The following KLF13 variants were observed in gnomAD, a reference collection of about 807,000 sequenced individuals.
KLF13 encodes Krueppel-like factor 13.
A neutral mutation model predicts 16.7 loss-of-function variants in KLF13; 8 were observed. The observed-to-expected ratio is 0.48, with a 90% CI of 0.28 to 0.87. The LOEUF (loss-of-function observed/expected upper bound fraction) is 0.87, where lower values mean the gene tolerates loss of function less well. Ranked by LOEUF, KLF13 falls within the 40% of genes least tolerant of loss-of-function variation. The pLI is 0.10. For missense variants in KLF13, 447 were observed against 452.2 expected (o/e 0.99, Z 0.10); for synonymous variants, 245 against 208.4 (o/e 1.18, Z -1.51).
intron 2 of KLF13, among the ~76,000 whole-genome samples, chr15:31,395,346 A>T (rs2039940385): frequency 1.3e-5 from 2 of 152,284 alleles, no homozygotes; most frequent in Admixed American, 1.3e-4. Flanking sequence ...AAGTCCATTC[A>T]TCCACTGATG....
At chr15:31,389,176 A>G (rs919579484), upstream of KLF13, among the ~76,000 whole-genome samples, 2 of 152,208 alleles carry the variant, frequency 1.3e-5, no homozygotes, top group Non-Finnish European at 2.9e-5. Context: ...GAACACCTTT[A>G]TAATGATCCA....
At chr15:31,435,406 C>T (rs751914768) in exon 2 of KLF13, 6 of 152,134 alleles carry the variant, frequency 3.9e-5, no homozygotes, top group African/African-American at 9.7e-5. Context: ...GAAGGTGATC[C>T]GGGAGGCTGG....
At position 31,327,123 on chromosome 15, in the gene KLF13, CG is replaced by C. The variant is rs1355563219; in HGVS notation, c.-89del. 1.8e-5 allele frequency: 20 copies of C among 1,122,598 alleles called. No individual in the cohort carries two copies. Among genetic ancestry groups the C allele is most frequent in the South Asian group, 3.4e-5 (1 of 29,332 alleles). 69.5% of individuals were successfully genotyped at this position (1,122,598 alleles called of 1,614,324 possible). A position where few individuals can be genotyped will look rare whatever the true frequency, so the allele number is the denominator to read the frequency against. ...CCGAGGAGAGGGCGCGCCGCGCCCCCGCCCCCCGCCCGCTCTCCCGAGGCCG... is the reference window on the plus strand; with the variant it reads ...CCGAGGAGAGGGCGCGCCGCGCCCCCCCCCCCGCCCGCTCTCCCGAGGCCG... On this transcript the variant is annotated 5_prime_UTR_variant, in exon 1 of 2. Coordinates refer to ENST00000307145, the MANE Select transcript of KLF13 (RefSeq NM_015995.4).
Position 31,364,098 on chromosome 15 carries a change from G to A in KLF13, c.578-7912G>A, listed in dbSNP as rs556216050. The stretch of plus-strand genomic sequence containing the variant: ...CTTCACTGGCCAGTGATCAGCTTAC[G>A]AAACTGTGTTGAATCCTGGTGGTCT... On this transcript the variant is annotated intron_variant, in intron 1 of 1. Transcript: ENST00000307145. Among the ~76,000 whole-genome samples the A allele has an allele frequency of 5.5e-3, 276 of 50,160 alleles. 1 individual carries two copies. The highest frequency in any genetic ancestry group is 0.015 in the African/African-American group (268 of 17,300). The allele number at this position is 50,160 out of a possible 152,430, so 32.9% of individuals were successfully genotyped here.
chr15:31,423,189 A>ATATACG, intron 1 of KLF13, among the ~76,000 whole-genome samples: 1 of 135,496 alleles, frequency 7.4e-6, no homozygotes, highest in Non-Finnish European at 1.5e-5. Flanking sequence ...ATATACGTAT[A>ATATACG]TATATATATC....
rs2039595406 is a variant in KLF13, at chr15:31,373,716, A to T, written c.*1417A>T. 6.6e-6 allele frequency: 1 copy of T among 152,166 alleles called. No individual in the cohort carries two copies. The highest frequency in any genetic ancestry group is 2.4e-5 in the African/African-American group (1 of 41,416). 9.4% of individuals were successfully genotyped at this position (152,166 alleles called of 1,614,324 possible). ...TTCGAGCCCTGGGCGGGGGTCAGTC[A>T]AGCCGTGGTCCAGCAAACTCCTCTG... On this transcript the variant is annotated 3_prime_UTR_variant, in exon 2 of 2. Transcript: ENST00000307145.
chr15:31,372,238 T>C lies in KLF13; in HGVS notation c.806T>C (p.Leu269Pro), dbSNP rs1410166633. ...GGCGGGGGCTCGCGGACCGGCTCCC[T>C]CAGCGACTACAGCCGCTCCGACGCC... ...RRGGGSRTGS[L>P]SDYSRSDASS... Residue 269 changes from leucine (L) to proline (P), a missense_variant, in exon 2 of 2, where the codon CTC (leucine) becomes CCC (proline). Physicochemically the swap from Leu to Pro is moderately conservative, Grantham distance 98. This residue lies in a region of KLF13 where 88 missense variants were observed against 169.5 expected (regional missense o/e 0.52). Coordinates refer to ENST00000307145, the MANE Select transcript of KLF13 (RefSeq NM_015995.4). 2 of 1,577,498 alleles carry C rather than the reference T, an allele frequency of 1.3e-6. No individual in the cohort carries two copies. The highest frequency in any genetic ancestry group is 3.5e-5 in the Admixed American group (2 of 56,748).
At chr15:31,328,033 C>T (rs2038751405) in intron 1 of KLF13, among the ~76,000 whole-genome samples, 1 of 148,430 alleles carries the variant, frequency 6.7e-6, no homozygotes, top group Non-Finnish European at 1.5e-5. Context: ...CGCCCCCTCC[C>T]CGGGCGCGCT....
chr15:31,351,138 G>C (rs1303980854), intron 1 of KLF13, among the ~76,000 whole-genome samples: 1 of 152,228 alleles, frequency 6.6e-6, no homozygotes, highest in African/African-American at 2.4e-5. Flanking sequence ...TCATGGACTT[G>C]CTTTTGGTGC....
At chr15:31,365,516 A>G (rs1178951183) in intron 1 of KLF13, among the ~76,000 whole-genome samples, 4 of 149,072 alleles carry the variant, frequency 2.7e-5, no homozygotes, top group Admixed American at 6.8e-5. Flanking sequence ...CATTGGAAAC[A>G]TTGCAAAAAT....
At chr15:31,400,790 C>A (rs2040023225) in intron 2 of KLF13, among the ~76,000 whole-genome samples, 1 of 152,078 alleles carries the variant, frequency 6.6e-6, no homozygotes, top group Non-Finnish European at 1.5e-5. Context: ...AGGGACAATG[C>A]CTCGGACCAG....
rs983228130 is a variant in KLF13, at chr15:31,377,750, G to T, written c.*5451G>T. Reference sequence around the variant, plus strand: ...CCTTGGCTTGCTCGGATAAAACTTTGTATGTATTTTGTATGGCATAGATTC... The same window carrying T: ...CCTTGGCTTGCTCGGATAAAACTTTTTATGTATTTTGTATGGCATAGATTC... On this transcript the variant is annotated 3_prime_UTR_variant, in exon 2 of 2. Transcript: ENST00000307145. 1 of 152,554 alleles carries T rather than the reference G, an allele frequency of 6.6e-6. No homozygotes were observed. Among genetic ancestry groups the T allele is most frequent in the African/African-American group, 2.4e-5 (1 of 41,402 alleles). 9.5% of individuals were successfully genotyped at this position (152,554 alleles called of 1,614,324 possible).
At chr15:31,327,887 G>A (rs1376223613) in intron 1 of KLF13, 98 bp downstream of exon 1, 8 of 1,161,026 alleles carry the variant, frequency 6.9e-6, no homozygotes, top group Admixed American at 4.8e-5. Flanking sequence ...CGAGGTGGGG[G>A]CCGGGCGGGC....
At chr15:31,380,169 G>C (rs999055667), downstream of KLF13, among the ~76,000 whole-genome samples, 1 of 152,194 alleles carries the variant, frequency 6.6e-6, no homozygotes, top group South Asian at 2.1e-4. Flanking sequence ...GCTTGTGCCT[G>C]TAGTCCCAGC....
chr15:31,353,440 C>T (rs962392941), intron 1 of KLF13, among the ~76,000 whole-genome samples: 2 of 152,170 alleles, frequency 1.3e-5, no homozygotes, highest in Non-Finnish European at 2.9e-5. Context: ...AAAGTCCCTG[C>T]CATCTGGCCT....
intron 1 of KLF13, chr15:31,339,872 G>A: frequency 2.9e-6 from 2 of 684,188 alleles, no homozygotes; most frequent in Admixed American, 2.0e-5. Context: ...TGTGGGAGAT[G>A]CAGCAGCGGG....
At chr15:31,387,593 A>G (rs1035677561) in intron 1 of KLF13, among the ~76,000 whole-genome samples, 2 of 152,218 alleles carry the variant, frequency 1.3e-5, no homozygotes, top group Non-Finnish European at 2.9e-5. Context: ...CAAACCCACA[A>G]TATCTTTGAG....
At chr15:31,385,391 C>G (rs1176225555) in intron 1 of KLF13, among the ~76,000 whole-genome samples, 3 of 152,182 alleles carry the variant, frequency 2.0e-5, no homozygotes, top group Non-Finnish European at 4.4e-5. Flanking sequence ...ATACCTTGTT[C>G]TAGTGCACAT....
In KLF13 at chr15:31,360,812, C is replaced by G. The variant is rs191361261; in HGVS notation, c.578-11198C>G. On this transcript the variant is annotated intron_variant, in intron 1 of 1. Coordinates refer to ENST00000307145, the MANE Select transcript of KLF13 (RefSeq NM_015995.4). The stretch of plus-strand genomic sequence containing the variant: ...ATTCGGATGTATTTACTTTGTGAAA[C>G]CAACCCTGAAGAATACATTGTTTCG... 2.2e-3 allele frequency among the ~76,000 whole-genome samples: 335 copies of G among 152,314 alleles called. 2 individuals carry two copies. Among genetic ancestry groups the G allele is most frequent in the Non-Finnish European group, 3.0e-3 (205 of 68,020 alleles).
Sources: allele counts gnomAD v4.1 joint callset (sites outside exome capture counted in the v4.1 genomes callset), GRCh38; gene constraint gnomAD v4.1.1; regional missense constraint gnomAD v4.1.1; transcripts MANE v1.5; gene names NCBI Gene and HGNC (gene_info 2026-07-23, HGNC 2026-07-21).